Variants in KIF26B observed in about 807,000 individuals in gnomAD.
KIF26B encodes kinesin family member 26B.
In KIF26B, 63 loss-of-function variants were observed where a neutral mutation model predicts 151.2. The observed-to-expected ratio is 0.42, with a 90% CI of 0.34 to 0.51. The LOEUF (loss-of-function observed/expected upper bound fraction) is 0.51. Ranked by LOEUF, KIF26B falls within the 20% of genes least tolerant of loss-of-function variation. KIF26B has a pLI of 0.07. For missense variants in KIF26B, 2,813 were observed against 2,913.6 expected, an observed-to-expected ratio of 0.97 and a Z score of 0.79; for synonymous variants, 1,357 against 1,262.1, an observed-to-expected ratio of 1.08 and a Z score of -1.59.
chr1:245,378,622 C>A (rs1322092958), intron 3 of KIF26B, among the ~76,000 whole-genome samples: 2 of 152,188 alleles, frequency 1.3e-5, no homozygotes, highest in Admixed American at 6.5e-5. Flanking sequence ...AGGGAGTATG[C>A]AGGCTCCATG....
At position 245,371,031 on chromosome 1, in the gene KIF26B, G is replaced by A. The variant is rs78830396; in HGVS notation, c.999+3664G>A. Among the ~76,000 whole-genome samples the A allele has an allele frequency of 2.6e-5, 4 of 152,118 alleles. No homozygotes were observed. In the East Asian group the frequency reaches 7.7e-4, roughly 29 times the overall value. On this transcript the variant is annotated intron_variant, in intron 3 of 14. Coordinates refer to ENST00000407071, the MANE Select transcript of KIF26B (RefSeq NM_018012.4). ...TGCAGACAGGCTCCTAATCCCGCCC[G>A]ATGTGGCAAAGCCAGATACAACCAA... is the stretch of plus-strand genomic sequence containing the variant.
At chr1:245,283,171 T>C (rs1671094833) in intron 2 of KIF26B, 2 of 157,986 alleles carry the variant, frequency 1.3e-5, no homozygotes, top group African/African-American at 4.8e-5. Context: ...CAACACGCCT[T>C]TACCGGAGAG....
chr1:245,235,825 G>A (rs993388666), intron 2 of KIF26B, among the ~76,000 whole-genome samples: 3 of 151,526 alleles, frequency 2.0e-5, no homozygotes, highest in African/African-American at 7.3e-5. Flanking sequence ...GTGAAATACC[G>A]GGTTTGTCAT....
At position 245,708,273 on chromosome 1, in the gene KIF26B, A is replaced by G. The variant is rs771957262; in HGVS notation, c.*5667A>G. On this transcript the variant is annotated 3_prime_UTR_variant, in exon 15 of 15. Transcript: ENST00000407071. ...TAAGTGATGGGAAGTGCTTTGAAGA[A>G]ATTAAAGGTCTGTCTAGGAGCTGGG... is the stretch of plus-strand genomic sequence containing the variant. 1 of 152,220 alleles carries G rather than the reference A, an allele frequency of 6.6e-6. No homozygotes were observed. Among genetic ancestry groups the G allele is most frequent in the Non-Finnish European group, 1.5e-5 (1 of 68,046 alleles). 9.4% of individuals were successfully genotyped at this position (152,220 alleles called of 1,614,324 possible).
Position 245,239,578 on chromosome 1 carries a change from A to G in KIF26B, c.465+82895A>G, listed in dbSNP as rs1203601275. 6.6e-6 allele frequency among the ~76,000 whole-genome samples: 1 copy of G among 152,038 alleles called. No individual in the cohort carries two copies. The highest frequency in any genetic ancestry group is 2.4e-5 in the African/African-American group (1 of 41,384). ...GAGTGCAGTGGCGTGATCTCAGCTC[A>G]CTGCAACCTCTGCCTCCTAGGTTCA... On this transcript the variant is annotated intron_variant, in intron 2 of 14. Transcript: ENST00000407071. This position sits in a 1 kb window ranked among gnomAD's most constrained non-coding sequence, Gnocchi z 4.3.
chr1:245,225,657 G>A (rs1408253510), intron 2 of KIF26B, among the ~76,000 whole-genome samples: 1 of 152,198 alleles, frequency 6.6e-6, no homozygotes, highest in Non-Finnish European at 1.5e-5. Flanking sequence ...CAGGTGGCTG[G>A]AGGCCAGAGA....
chr1:245,607,026 A>G (rs2043462270), intron 6 of KIF26B, among the ~76,000 whole-genome samples: 1 of 139,268 alleles, frequency 7.2e-6, no homozygotes, highest in African/African-American at 2.7e-5. Context: ...AGATCGCACC[A>G]TTGCACTCCA....
At chr1:245,267,463 A>C (rs949460823) in intron 2 of KIF26B, among the ~76,000 whole-genome samples, 1 of 152,196 alleles carries the variant, frequency 6.6e-6, no homozygotes, top group Non-Finnish European at 1.5e-5. Context: ...TCAGTGCAGC[A>C]GTCTCAGAGG....
At chr1:245,626,894 G>A (rs1366421067) in intron 9 of KIF26B, among the ~76,000 whole-genome samples, 2 of 152,098 alleles carry the variant, frequency 1.3e-5, no homozygotes, top group East Asian at 3.8e-4. Flanking sequence ...AATAAATTTT[G>A]AGTGGATTTT....
At chr1:245,394,467 A>T (rs887623284) in intron 3 of KIF26B, among the ~76,000 whole-genome samples, 1 of 152,032 alleles carries the variant, frequency 6.6e-6, no homozygotes, top group Non-Finnish European at 1.5e-5. Context: ...TACTAAAAAT[A>T]TAAAAATTAA....
intron 3 of KIF26B, among the ~76,000 whole-genome samples, chr1:245,415,190 A>G (rs1055396099): frequency 3.3e-5 from 5 of 152,218 alleles, no homozygotes; most frequent in African/African-American, 1.2e-4. Flanking sequence ...TTTAATTGTC[A>G]TAGAATATGG....
intron 9 of KIF26B, among the ~76,000 whole-genome samples, chr1:245,619,862 G>A (rs2043639734): frequency 6.6e-6 from 1 of 152,088 alleles, no homozygotes; most frequent in African/African-American, 2.4e-5. Context: ...GCAGTGAGCT[G>A]AGATCACGCC....
At chr1:245,489,877 T>G (rs1445151360) in intron 4 of KIF26B, among the ~76,000 whole-genome samples, 1 of 152,232 alleles carries the variant, frequency 6.6e-6, no homozygotes, top group Non-Finnish European at 1.5e-5. Flanking sequence ...TTATACCAAT[T>G]ATCTGAGTTT....
Position 245,287,766 on chromosome 1 carries a change from G to C in KIF26B, c.466-79068G>C, listed in dbSNP as rs12031341. ...GATCCGCCTGCCCTGACCTCCCAAA[G>C]TGCTGGGATTACAGGCGTGAGGCAC... is the stretch of plus-strand genomic sequence containing the variant. On this transcript the variant is annotated intron_variant, in intron 2 of 14. Transcript: ENST00000407071. 2.5e-3 allele frequency among the ~76,000 whole-genome samples: 383 copies of C among 152,198 alleles called. 6 individuals carry two copies. In the East Asian group the frequency reaches 0.05, roughly 20 times the overall value.
intron 3 of KIF26B, among the ~76,000 whole-genome samples, chr1:245,369,273 G>A (rs151221233): frequency 0.013 from 1,979 of 152,194 alleles, 38 homozygotes; most frequent in African/African-American, 0.045. Flanking sequence ...CAATCTACCC[G>A]TGAGCCCAGG....
intron 2 of KIF26B, among the ~76,000 whole-genome samples, chr1:245,287,259 CTTTT>C (rs199693343): frequency 1.3e-5 from 2 of 151,862 alleles, no homozygotes; most frequent in African/African-American, 4.8e-5. Flanking sequence ...TTTTATTAAA[CTTTT>C]TTTTAAGGAT....
At chr1:245,300,339 C>G (rs1373801802) in intron 2 of KIF26B, among the ~76,000 whole-genome samples, 5 of 152,106 alleles carry the variant, frequency 3.3e-5, no homozygotes, top group Non-Finnish European at 5.9e-5. Flanking sequence ...TCTGGCTGGG[C>G]TGCTTCGTTC....
At chr1:245,511,680 A>C (rs191564169) in intron 4 of KIF26B, among the ~76,000 whole-genome samples, 6 of 152,322 alleles carry the variant, frequency 3.9e-5, no homozygotes, top group Non-Finnish European at 7.3e-5. Flanking sequence ...GAGGTCGGAC[A>C]TCTCCCTATT....
chr1:245,482,125 T>C (rs1029956033), intron 4 of KIF26B, among the ~76,000 whole-genome samples: 1 of 151,868 alleles, frequency 6.6e-6, no homozygotes, highest in Non-Finnish European at 1.5e-5. Context: ...AGAGTCTTGC[T>C]CTGTCACCCA....
Sources: allele counts gnomAD v4.1 joint callset (sites outside exome capture counted in the v4.1 genomes callset), GRCh38; gene constraint gnomAD v4.1.1; non-coding constraint Gnocchi (gnomAD v3.1); transcripts MANE v1.5; gene names NCBI Gene and HGNC (gene_info 2026-07-23, HGNC 2026-07-21).